TRAPPC9: variants seen among roughly 807,000 people sequenced by gnomAD.
The protein encoded by TRAPPC9 is IKK2 binding protein.
Under a neutral mutation model 124.0 loss-of-function variants are expected in TRAPPC9, and 83 were observed. That is an observed-to-expected ratio of 0.67 (90% CI 0.56 to 0.80). The LOEUF (loss-of-function observed/expected upper bound fraction) is 0.80, where lower values mean the gene tolerates loss of function less well. Among genes scored for constraint, TRAPPC9 ranks in the 30% least tolerant of loss-of-function variants. TRAPPC9 has a pLI of 0.00. For synonymous variants in TRAPPC9, 638 were observed against 617.5 expected, an observed-to-expected ratio of 1.03 and a Z score of -0.49; for missense variants, 1,302 against 1,508.3, an observed-to-expected ratio of 0.86 and a Z score of 2.27.
At chr8:140,266,991 T>A (rs72690645) in intron 15 of TRAPPC9, among the ~76,000 whole-genome samples, 28,212 of 152,138 alleles carry the variant, frequency 0.19, 2,710 homozygotes, top group Admixed American at 0.22. Flanking sequence ...TGACCCTTAA[T>A]ATCATGGATC....
chr8:140,185,919 G>T (rs1462332263), intron 17 of TRAPPC9, among the ~76,000 whole-genome samples: 1 of 152,168 alleles, frequency 6.6e-6, no homozygotes, highest in Non-Finnish European at 1.5e-5. Context: ...AGGCCCTCAA[G>T]GCCTGCCCCA....
chr8:139,817,497 G>C (rs910036577), intron 21 of TRAPPC9, among the ~76,000 whole-genome samples: 1 of 152,154 alleles, frequency 6.6e-6, no homozygotes, highest in Non-Finnish European at 1.5e-5. Flanking sequence ...CAGACCCATG[G>C]ATCGTCCTCA....
chr8:140,059,158 C>G (rs1055460106), intron 17 of TRAPPC9, among the ~76,000 whole-genome samples: 2 of 152,196 alleles, frequency 1.3e-5, no homozygotes, highest in African/African-American at 4.8e-5. Flanking sequence ...TCCAGGACAA[C>G]AGAGATCTGC....
intron 17 of TRAPPC9, among the ~76,000 whole-genome samples, chr8:140,114,820 G>T (rs1053363205): frequency 1.3e-5 from 2 of 152,176 alleles, no homozygotes; most frequent in African/African-American, 2.4e-5. Flanking sequence ...GACAAGAGGA[G>T]GGAGGGAACT....
At chr8:139,830,196 A>G (rs892035305) in intron 21 of TRAPPC9, among the ~76,000 whole-genome samples, 1 of 152,178 alleles carries the variant, frequency 6.6e-6, no homozygotes, top group Non-Finnish European at 1.5e-5. Context: ...ATACAAACAC[A>G]TACACACACA....
intron 6 of TRAPPC9, among the ~76,000 whole-genome samples, chr8:140,403,298 C>G (rs2069345808): frequency 6.6e-6 from 1 of 152,014 alleles, no homozygotes; most frequent in Admixed American, 6.6e-5. Context: ...GGCATGGTGG[C>G]TCGCACCTGT....
At chr8:140,255,677 G>A (rs577882864) in intron 15 of TRAPPC9, among the ~76,000 whole-genome samples, 156 of 152,360 alleles carry the variant, frequency 1.0e-3, no homozygotes, top group Non-Finnish European at 2.0e-3. Context: ...CCTGAGGCCA[G>A]GCGTTCGAGG....
intron 17 of TRAPPC9, among the ~76,000 whole-genome samples, chr8:140,046,738 C>T (rs1206073560): frequency 2.0e-5 from 3 of 152,170 alleles, no homozygotes; most frequent in Non-Finnish European, 2.9e-5. Context: ...TACCCCTTTT[C>T]TAAATTAGAA....
chr8:140,222,079 T>C (rs1587957151), intron 16 of TRAPPC9, among the ~76,000 whole-genome samples: 1 of 152,178 alleles, frequency 6.6e-6, no homozygotes, highest in African/African-American at 2.4e-5. Flanking sequence ...GGCCCCAGCC[T>C]TCCCTCTGCG....
At chr8:140,348,833 A>T (rs775695804) in intron 9 of TRAPPC9, among the ~76,000 whole-genome samples, 1 of 152,138 alleles carries the variant, frequency 6.6e-6, no homozygotes, top group Non-Finnish European at 1.5e-5. Flanking sequence ...ATCACCAGAC[A>T]CTGGGAGCAA....
intron 17 of TRAPPC9, among the ~76,000 whole-genome samples, chr8:140,167,630 T>C (rs1049658755): frequency 3.3e-5 from 5 of 152,176 alleles, no homozygotes; most frequent in African/African-American, 1.2e-4. Context: ...TGAAGGTATG[T>C]GAATGGGAAT....
At chr8:140,300,322 T>C in intron 11 of TRAPPC9, 147 bp downstream of exon 11, 1 of 1,026,292 alleles carries the variant, frequency 9.7e-7, no homozygotes, top group Non-Finnish European at 1.5e-6. Flanking sequence ...CACACACATA[T>C]ACACACATAT....
At chr8:140,116,951 G>A (rs1251226543) in intron 17 of TRAPPC9, among the ~76,000 whole-genome samples, 2 of 151,476 alleles carry the variant, frequency 1.3e-5, no homozygotes, top group Non-Finnish European at 2.9e-5. Flanking sequence ...CAGTGAGTAG[G>A]CGGAGTTCAG....
intron 9 of TRAPPC9, among the ~76,000 whole-genome samples, chr8:140,334,877 G>A (rs1378674712): frequency 6.6e-6 from 1 of 151,784 alleles, no homozygotes; most frequent in Admixed American, 6.6e-5. Flanking sequence ...GAGGTGCAGA[G>A]GAATAAATTA....
intron 21 of TRAPPC9, among the ~76,000 whole-genome samples, chr8:139,845,349 A>C (rs1279709099): frequency 6.6e-6 from 1 of 152,192 alleles, no homozygotes; most frequent in Non-Finnish European, 1.5e-5. Context: ...TTCCTGGCCC[A>C]GGCCTTTATA....
intron 17 of TRAPPC9, among the ~76,000 whole-genome samples, chr8:140,141,782 C>T (rs56050048): frequency 0.019 from 2,901 of 152,288 alleles, 31 homozygotes; most frequent in South Asian, 0.031. Context: ...TTCAGCACCC[C>T]GGCGGGCGGC....
intron 18 of TRAPPC9, among the ~76,000 whole-genome samples, chr8:140,013,634 T>C (rs541161124): frequency 6.6e-6 from 1 of 152,092 alleles, no homozygotes; most frequent in South Asian, 2.1e-4. Context: ...CCTTCGGGAG[T>C]GCTGGAGCCA....
chr8:139,938,231 C>T (rs566713233), intron 19 of TRAPPC9, among the ~76,000 whole-genome samples: 2 of 152,344 alleles, frequency 1.3e-5, no homozygotes, highest in South Asian at 4.1e-4. Flanking sequence ...TCAGCCGTCC[C>T]TATGCCGAAA....
At chr8:140,359,249 C>G (rs1329149878) in intron 9 of TRAPPC9, among the ~76,000 whole-genome samples, 1 of 152,156 alleles carries the variant, frequency 6.6e-6, no homozygotes, top group African/African-American at 2.4e-5. Context: ...CCAATACACT[C>G]TGCACACATC....
Sources: allele counts gnomAD v4.1 joint callset (sites outside exome capture counted in the v4.1 genomes callset), GRCh38; gene constraint gnomAD v4.1.1; transcripts MANE v1.5; gene names NCBI Gene and HGNC (gene_info 2026-07-23, HGNC 2026-07-21).